HEPHL1: variants seen among roughly 807,000 people sequenced by gnomAD.
HEPHL1 encodes hephaestin like 1.
In HEPHL1, 123 loss-of-function variants were observed where a neutral mutation model predicts 122.0. The observed-to-expected ratio is 1.01, with a 90% CI of 0.87 to 1.17. The LOEUF (loss-of-function observed/expected upper bound fraction) is 1.17. HEPHL1 is among the 50% of genes most tolerant of loss of function. The pLI is 0.00. For missense variants in HEPHL1, 1,452 were observed against 1,430.5 expected (o/e 1.01, Z -0.24); for synonymous variants, 527 against 508.9 (o/e 1.04, Z -0.48).
At chr11:94,073,556 A>G in intron 8 of HEPHL1, 117 bp downstream of exon 8, 2 of 976,426 alleles carry the variant, frequency 2.0e-6, no homozygotes, top group Non-Finnish European at 1.5e-6. Flanking sequence ...AGCTTGGGCA[A>G]TCACTTAAAC....
chr11:94,074,027 T>C (rs893739586), intron 8 of HEPHL1, among the ~76,000 whole-genome samples: 25 of 152,148 alleles, frequency 1.6e-4, no homozygotes, highest in African/African-American at 5.6e-4. Context: ...TCTAATCCAT[T>C]CATGATACTG....
chr11:94,036,518 G>T (rs894286459), intron 1 of HEPHL1, among the ~76,000 whole-genome samples: 2 of 152,136 alleles, frequency 1.3e-5, no homozygotes, highest in Non-Finnish European at 2.9e-5. Flanking sequence ...CAATGCCATA[G>T]AACAGAGCTT....
intron 1 of HEPHL1, among the ~76,000 whole-genome samples, chr11:94,037,243 T>C (rs1249766267): frequency 2.4e-4 from 36 of 148,168 alleles, no homozygotes; most frequent in South Asian, 6.5e-4. Flanking sequence ...CGCTGATTGC[T>C]AGCACAGCAG....
At position 94,075,233 on chromosome 11, in the gene HEPHL1, G is replaced by C; in HGVS notation, c.1564G>C (p.Val522Leu). Reference sequence around the variant, plus strand: ...TGAAACCTTCACATACAAGTGGACAGTGCCTGAGAGCGTAAGCCCAACTGC... The same window carrying C: ...TGAAACCTTCACATACAAGTGGACACTGCCTGAGAGCGTAAGCCCAACTGC... ...PGETFTYKWTVPESVSPTAGD... is the reference protein window; with the variant it reads ...PGETFTYKWTLPESVSPTAGD... Residue 522 changes from valine to leucine, a missense_variant, in exon 9 of 20, where the codon GTG (valine) becomes CTG (leucine). Transcript: ENST00000315765. 6.2e-7 allele frequency: 1 copy of C among 1,613,468 alleles called. No individual in the cohort carries two copies. The highest frequency in any genetic ancestry group is 1.1e-5 in the South Asian group (1 of 91,060).
intron 1 of HEPHL1, 137 bp from the exon 2 acceptor site, chr11:94,045,536 G>C: frequency 1.5e-6 from 1 of 684,366 alleles, no homozygotes; most frequent in Non-Finnish European, 2.4e-6. Context: ...ATAATCTTCC[G>C]AGCCCTACAG....
At chr11:94,021,982 GT>G (rs1945585790) in intron 1 of HEPHL1, among the ~76,000 whole-genome samples, 1 of 152,190 alleles carries the variant, frequency 6.6e-6, no homozygotes. Context: ...GCTAAGTCAT[GT>G]TTTTCAACGT....
chr11:94,047,408 T>G (rs1398016123), intron 2 of HEPHL1, among the ~76,000 whole-genome samples: 3 of 152,084 alleles, frequency 2.0e-5, no homozygotes, highest in South Asian at 4.1e-4. Flanking sequence ...CCCTCTATGT[T>G]TCCATGTGTT....
At chr11:94,071,404 T>C (rs1565354494) in intron 6 of HEPHL1, among the ~76,000 whole-genome samples, 1 of 152,184 alleles carries the variant, frequency 6.6e-6, no homozygotes, top group Non-Finnish European at 1.5e-5. Flanking sequence ...TTGAACCCTG[T>C]CTAAAGAATT....
At chr11:94,053,760 T>C (rs558904702) in intron 2 of HEPHL1, among the ~76,000 whole-genome samples, 77 of 152,346 alleles carry the variant, frequency 5.1e-4, no homozygotes, top group Non-Finnish European at 1.0e-3. Flanking sequence ...ATTTAGATGA[T>C]TTCAAAGATT....
intron 1 of HEPHL1, among the ~76,000 whole-genome samples, chr11:94,037,344 GC>G (rs1945735287): frequency 6.6e-6 from 1 of 151,650 alleles, no homozygotes; most frequent in South Asian, 2.1e-4. Flanking sequence ...CAGCCAGAAA[GC>G]TTGAACTGGG....
chr11:94,059,095 G>A (rs1013418252), intron 2 of HEPHL1, among the ~76,000 whole-genome samples: 1 of 152,130 alleles, frequency 6.6e-6, no homozygotes, highest in Middle Eastern at 3.2e-3. Context: ...ATTTTTCACA[G>A]ACTTTTTTCT....
At chr11:94,059,200 G>T (rs1707039838) in intron 2 of HEPHL1, among the ~76,000 whole-genome samples, 2 of 152,030 alleles carry the variant, frequency 1.3e-5, no homozygotes, top group African/African-American at 4.8e-5. Context: ...TTTTTACTTT[G>T]TCTTGGAGAT....
chr11:94,082,670 A>G (rs1946181417), intron 10 of HEPHL1, 102 bp downstream of exon 10: 1 of 1,129,916 alleles, frequency 8.9e-7, no homozygotes, highest in African/African-American at 1.6e-5. Flanking sequence ...TTTCTTGGAT[A>G]TTGTTCTTGG....
intron 9 of HEPHL1, among the ~76,000 whole-genome samples, chr11:94,080,216 G>C (rs939325335): frequency 6.6e-6 from 1 of 152,106 alleles, no homozygotes; most frequent in Non-Finnish European, 1.5e-5. Context: ...TATTTAATAA[G>C]TGATGCTGGG....
At chr11:94,080,738 G>A (rs1591480840) in intron 9 of HEPHL1, among the ~76,000 whole-genome samples, 1 of 152,184 alleles carries the variant, frequency 6.6e-6, no homozygotes, top group East Asian at 1.9e-4. Flanking sequence ...AAACCACAAT[G>A]AGATACCATC....
intron 9 of HEPHL1, 85 bp from the exon 10 acceptor site, chr11:94,082,333 A>C: frequency 9.9e-7 from 1 of 1,009,914 alleles, no homozygotes; most frequent in Non-Finnish European, 1.4e-6. Flanking sequence ...ACTTATTAAT[A>C]TTTTGTGTGA....
chr11:94,030,120 A>G (rs1337507196), intron 1 of HEPHL1, among the ~76,000 whole-genome samples: 2 of 152,230 alleles, frequency 1.3e-5, no homozygotes, highest in African/African-American at 4.8e-5. Flanking sequence ...ATAAGGTCCT[A>G]TGAATAATAG....
At chr11:94,038,314 G>A (rs1222229785) in intron 1 of HEPHL1, among the ~76,000 whole-genome samples, 1 of 144,172 alleles carries the variant, frequency 6.9e-6, no homozygotes, top group African/African-American at 2.6e-5. Flanking sequence ...TTATCCAGGA[G>A]AACTTCCCCA....
intron 11 of HEPHL1, among the ~76,000 whole-genome samples, chr11:94,087,880 T>C (rs1351651410): frequency 6.6e-6 from 1 of 152,202 alleles, no homozygotes; most frequent in Non-Finnish European, 1.5e-5. Flanking sequence ...GAGTTACATG[T>C]ATAGCAAGAT....
Sources: gnomAD v4.1 joint callset for allele counts (sites outside exome capture counted in the v4.1 genomes callset) on GRCh38, gnomAD v4.1.1 for gene constraint, MANE v1.5 for transcripts, NCBI Gene and HGNC (gene_info 2026-07-23, HGNC 2026-07-21) for gene names.